CEP192: variants seen among roughly 807,000 people sequenced by gnomAD.
CEP192 encodes the protein centrosomal protein 192, also known as centrosomal protein of 192 kDa.
In CEP192, 151 loss-of-function variants were observed where a neutral mutation model predicts 271.8. The observed-to-expected ratio is 0.56, with a 90% CI of 0.49 to 0.64. CEP192 has a LOEUF of 0.64. Ranked by LOEUF, CEP192 falls within the 30% of genes least tolerant of loss-of-function variation. CEP192 has a pLI of 0.00. For missense variants in CEP192, 2,910 were observed against 3,020.5 expected (o/e 0.96, Z 0.86); for synonymous variants, 995 against 1,076.5 (o/e 0.92, Z 1.48).
At chr18:13,045,651 A>G (rs917040272) in intron 15 of CEP192, among the ~76,000 whole-genome samples, 1 of 152,250 alleles carries the variant, frequency 6.6e-6, no homozygotes, top group Non-Finnish European at 1.5e-5. Context: ...CATTATAGGT[A>G]TATCAACATT....
chr18:13,061,967 T>A (rs1177432874), intron 21 of CEP192, among the ~76,000 whole-genome samples: 3 of 152,248 alleles, frequency 2.0e-5, no homozygotes, highest in African/African-American at 4.8e-5. Flanking sequence ...AGCCTACCTT[T>A]AAGCAGTTTA....
At chr18:13,015,983 T>G (rs1333026871) in intron 6 of CEP192, among the ~76,000 whole-genome samples, 2 of 152,154 alleles carry the variant, frequency 1.3e-5, no homozygotes, top group African/African-American at 4.8e-5. Flanking sequence ...TGACTTAAAG[T>G]GATCTGCCCA....
chr18:13,100,038 A>G (rs954237363), intron 37 of CEP192, among the ~76,000 whole-genome samples: 1 of 152,238 alleles, frequency 6.6e-6, no homozygotes, highest in African/African-American at 2.4e-5. Context: ...CATAGTGATC[A>G]GAACAATTCT....
chr18:13,067,565 A>T (rs1450200825), intron 21 of CEP192, among the ~76,000 whole-genome samples: 2 of 152,382 alleles, frequency 1.3e-5, no homozygotes, highest in African/African-American at 4.8e-5. Flanking sequence ...TTATAAAATT[A>T]TCAGTTCATC....
chr18:13,062,150 C>T (rs945178475), intron 21 of CEP192, among the ~76,000 whole-genome samples: 1 of 152,160 alleles, frequency 6.6e-6, no homozygotes, highest in Non-Finnish European at 1.5e-5. Context: ...TGTGTCTGAG[C>T]TTTGAGTCCA....
rs182425540 is a variant in CEP192 at position 13,110,422 on chromosome 18, A to C, written c.7048-3164A>C. Among the ~76,000 whole-genome samples, 219 of 148,996 alleles carry C rather than the reference A, an allele frequency of 1.5e-3. 1 individual carries two copies. The Middle Eastern group carries it at 0.021, about 14-fold the overall frequency. On this transcript the variant is annotated intron_variant, in intron 40 of 44. Coordinates refer to ENST00000506447, the MANE Select transcript of CEP192 (RefSeq NM_032142.4). ...TCCCAAAATAAACCCTAATATTTATAATCAATTGATTTTTTTTTTTTTTAA... is the reference window on the plus strand; with the variant it reads ...TCCCAAAATAAACCCTAATATTTATCATCAATTGATTTTTTTTTTTTTTAA...
At chr18:13,035,334 G>C (rs1484134889) in intron 11 of CEP192, among the ~76,000 whole-genome samples, 1 of 152,216 alleles carries the variant, frequency 6.6e-6, no homozygotes, top group Non-Finnish European at 1.5e-5. Context: ...AAAGAGGTTT[G>C]CTTGGACTTA....
chr18:13,053,669 T>C (rs2036926173), intron 18 of CEP192, among the ~76,000 whole-genome samples: 1 of 152,246 alleles, frequency 6.6e-6, no homozygotes, highest in South Asian at 2.1e-4. Flanking sequence ...CAGGTCACTG[T>C]CATGATCTGT....
chr18:13,069,619 A>G, intron 26 of CEP192, 119 bp from the exon 27 acceptor site: 1 of 683,454 alleles, frequency 1.5e-6, no homozygotes, highest in African/African-American at 1.8e-5. Context: ...CGTGACAGAC[A>G]AGAAGGGGAC....
intron 9 of CEP192, among the ~76,000 whole-genome samples, chr18:13,024,563 A>G (rs1042798294): frequency 6.6e-6 from 1 of 151,998 alleles, no homozygotes; most frequent in African/African-American, 2.4e-5. Context: ...CCCTGGTTCA[A>G]TTGATTCTCC....
intron 30 of CEP192, among the ~76,000 whole-genome samples, chr18:13,075,349 C>T (rs949995908): frequency 2.0e-5 from 3 of 152,012 alleles, no homozygotes; most frequent in African/African-American, 4.8e-5. Flanking sequence ...AGGTGGATCA[C>T]GAGGTCAAGA....
In CEP192 at chr18:13,016,863, A is replaced by G. The variant is rs138782045; in HGVS notation, c.641-325A>G. Among the ~76,000 whole-genome samples, 177 of 152,172 alleles carry G rather than the reference A, an allele frequency of 1.2e-3. 1 individual carries two copies. Among genetic ancestry groups the G allele is most frequent in the African/African-American group, 4.0e-3 (168 of 41,526 alleles). ...CATCTATACTTTTTTGAAAGAGGTA[A>G]CCATTTGCCACACCATTTTCTGGAA... On this transcript the variant is annotated intron_variant, in intron 6 of 44. Transcript: ENST00000506447.
intron 15 of CEP192, among the ~76,000 whole-genome samples, chr18:13,042,900 T>C (rs2036283482): frequency 1.3e-5 from 2 of 152,272 alleles, no homozygotes; most frequent in Non-Finnish European, 2.9e-5. Flanking sequence ...CAATGCTCCA[T>C]GAACAGCCTA....
At chr18:13,080,229 G>T (rs951269666) in intron 30 of CEP192, among the ~76,000 whole-genome samples, 17 of 152,150 alleles carry the variant, frequency 1.1e-4, no homozygotes, top group Admixed American at 7.9e-4. Flanking sequence ...ACCTTGGGCA[G>T]TGTGGCCATT....
rs2037058250 is a variant in CEP192 at position 13,055,724 on chromosome 18, A to G, written c.3190-56A>G. 4 of 1,213,074 alleles carry G rather than the reference A, an allele frequency of 3.3e-6. No individual in the cohort carries two copies. The Admixed American group carries it at 7.4e-5, about 23-fold the overall frequency. The allele number at this position is 1,213,074 out of a possible 1,614,324, so 75.1% of individuals were successfully genotyped here. On this transcript the variant is annotated intron_variant, in intron 18 of 44. Transcript: ENST00000506447. Reference sequence around the variant, plus strand: ...CTTGAGCTTTTGCCAGCATGTTTCAATTTGTTATATTAAGTTTATCTGTGG... The same window carrying G: ...CTTGAGCTTTTGCCAGCATGTTTCAGTTTGTTATATTAAGTTTATCTGTGG...
chr18:13,077,627 C>T (rs2144553578), intron 30 of CEP192, among the ~76,000 whole-genome samples: 1 of 152,324 alleles, frequency 6.6e-6, no homozygotes, highest in Non-Finnish European at 1.5e-5. Flanking sequence ...GATCCCCAAG[C>T]CTGACTCTAG....
intron 36 of CEP192, among the ~76,000 whole-genome samples, chr18:13,098,206 T>G (rs181165647): frequency 0.044 from 6,619 of 152,148 alleles, 213 homozygotes; most frequent in East Asian, 0.14. Flanking sequence ...GCTCCTCACT[T>G]CCCAGTAGGG....
intron 42 of CEP192, 137 bp downstream of exon 42, chr18:13,114,388 G>A (rs757274825): frequency 3.2e-5 from 28 of 880,048 alleles, no homozygotes; most frequent in African/African-American, 5.1e-5. Context: ...TATTCCTCTC[G>A]CCCAGAAAGT....
intron 42 of CEP192, among the ~76,000 whole-genome samples, chr18:13,114,512 G>A (rs2040346955): frequency 4.6e-5 from 7 of 151,928 alleles, no homozygotes; most frequent in Admixed American, 4.6e-4. Context: ...CTTTGTGTCT[G>A]GCTTCTTTTT....
Sources: gnomAD v4.1 joint callset for allele counts (sites outside exome capture counted in the v4.1 genomes callset) on GRCh38, gnomAD v4.1.1 for gene constraint, MANE v1.5 for transcripts, NCBI Gene and HGNC (gene_info 2026-07-23, HGNC 2026-07-21) for gene names.